The following CSMD1 variants were observed in gnomAD, a reference collection of about 807,000 sequenced individuals.
CSMD1 encodes the protein CUB and sushi domain-containing protein 1.
In CSMD1, 213 loss-of-function variants were observed where a neutral mutation model predicts 417.5. The ratio of observed to expected loss-of-function variants is 0.51; its 90% CI spans 0.46 to 0.57. The LOEUF (loss-of-function observed/expected upper bound fraction) is 0.57. Ranked by LOEUF, CSMD1 falls within the 20% of genes least tolerant of loss-of-function variation. CSMD1 has a pLI of 0.00. For missense variants in CSMD1, 6,923 were observed against 4,529.7 expected, an observed-to-expected ratio of 1.53 and a Z score of -15.17; for synonymous variants, 2,862 against 1,736.8, an observed-to-expected ratio of 1.65 and a Z score of -16.11.
At chr8:4,238,759 A>G (rs1316235950) in intron 3 of CSMD1, among the ~76,000 whole-genome samples, 2 of 152,184 alleles carry the variant, frequency 1.3e-5, no homozygotes, top group East Asian at 3.9e-4. Flanking sequence ...TTTCATTGCC[A>G]TTACATTCCC....
intron 23 of CSMD1, among the ~76,000 whole-genome samples, chr8:3,321,665 C>A (rs865951247): frequency 6.6e-6 from 1 of 152,062 alleles, no homozygotes; most frequent in South Asian, 2.1e-4. Flanking sequence ...CTATATTTAA[C>A]TGGTGCTTAT....
intron 1 of CSMD1, among the ~76,000 whole-genome samples, chr8:4,696,925 G>A (rs904540822): frequency 6.6e-6 from 1 of 152,178 alleles, no homozygotes; most frequent in Non-Finnish European, 1.5e-5. Context: ...TGTAATCCCA[G>A]CACTTTAGGA....
chr8:3,216,923 C>T (rs142084722), intron 29 of CSMD1, among the ~76,000 whole-genome samples: 1 of 152,294 alleles, frequency 6.6e-6, no homozygotes, highest in East Asian at 1.9e-4. Flanking sequence ...GCATGCAATA[C>T]AATGACATCA....
chr8:3,441,887 G>A (rs1381818457), intron 12 of CSMD1, among the ~76,000 whole-genome samples: 1 of 152,090 alleles, frequency 6.6e-6, no homozygotes, highest in Non-Finnish European at 1.5e-5. Context: ...AGGTCCGTCA[G>A]GAGGTATCCA....
intron 3 of CSMD1, among the ~76,000 whole-genome samples, chr8:4,035,222 G>C (rs1797554974): frequency 6.6e-6 from 1 of 152,128 alleles, no homozygotes; most frequent in Non-Finnish European, 1.5e-5. Context: ...GCACGTGTCT[G>C]TGGTGACGCC....
intron 3 of CSMD1, among the ~76,000 whole-genome samples, chr8:4,076,374 T>C (rs929694493): frequency 4.1e-4 from 63 of 152,292 alleles, no homozygotes; most frequent in Admixed American, 1.6e-3. Context: ...AGTTACCCTG[T>C]CTGAGGTAGT....
intron 3 of CSMD1, among the ~76,000 whole-genome samples, chr8:4,250,886 A>C (rs1210131447): frequency 6.6e-6 from 1 of 152,212 alleles, no homozygotes; most frequent in Non-Finnish European, 1.5e-5. Flanking sequence ...TACCCTGATG[A>C]AAAGAGCACC....
intron 2 of CSMD1, among the ~76,000 whole-genome samples, chr8:4,531,578 G>C (rs540999176): frequency 6.6e-6 from 1 of 152,174 alleles, no homozygotes; most frequent in Non-Finnish European, 1.5e-5. Flanking sequence ...CAGATGTAAA[G>C]TCCTGTATAA....
At chr8:4,468,924 C>G (rs1563208683) in intron 2 of CSMD1, among the ~76,000 whole-genome samples, 1 of 148,712 alleles carries the variant, frequency 6.7e-6, no homozygotes, top group East Asian at 2.0e-4. Flanking sequence ...ATGCTGGAAA[C>G]AAGCTCATTC....
chr8:3,965,287 C>A (rs1476807847), intron 5 of CSMD1, among the ~76,000 whole-genome samples: 5 of 152,138 alleles, frequency 3.3e-5, no homozygotes, highest in African/African-American at 4.8e-5. Context: ...GAACTCAGGT[C>A]TCTAAGCATG....
intron 5 of CSMD1, among the ~76,000 whole-genome samples, chr8:3,857,921 G>A (rs370750381): frequency 2.6e-5 from 4 of 152,194 alleles, no homozygotes; most frequent in African/African-American, 9.7e-5. Context: ...CCAGGCTTTG[G>A]CTTCCAGCCA....
intron 5 of CSMD1, among the ~76,000 whole-genome samples, chr8:3,790,356 G>A (rs1799667926): frequency 6.6e-6 from 1 of 152,060 alleles, no homozygotes; most frequent in South Asian, 2.1e-4. Context: ...TGATGATGGT[G>A]GTGATAGTGA....
At chr8:4,191,957 G>C (rs959114975) in intron 3 of CSMD1, among the ~76,000 whole-genome samples, 25 of 152,104 alleles carry the variant, frequency 1.6e-4, no homozygotes, top group Admixed American at 6.6e-5. Context: ...GCACCCACAG[G>C]CAAAACACCC....
rs371509704 is a variant in CSMD1, at chr8:3,586,174, G to A, written c.1184C>T (p.Thr395Met). ...CCTGTGGTCACTCCAAGCAGCGAGC[G>A]TCTCTGTAACTCTCTGACAGGTGAT... ...KSITCQRVTE[T>M]LAAWSDHRPI... The change falls in exon 9 of 70, where the codon ACG (threonine) becomes ATG (methionine). Residue 395 changes from threonine (T) to methionine (M), a missense_variant. Coordinates refer to ENST00000635120, the MANE Select transcript of CSMD1 (RefSeq NM_033225.6). 7.3e-5 allele frequency: 117 copies of A among 1,612,622 alleles called. No individual in the cohort carries two copies. Among genetic ancestry groups the A allele is most frequent in the African/African-American group, 9.3e-5 (7 of 74,894 alleles).
chr8:4,395,898 T>C (rs181147120), intron 3 of CSMD1, among the ~76,000 whole-genome samples: 2 of 152,142 alleles, frequency 1.3e-5, no homozygotes, highest in African/African-American at 4.8e-5. Flanking sequence ...GAAACACATA[T>C]AAGTGTAATT....
intron 3 of CSMD1, among the ~76,000 whole-genome samples, chr8:4,410,093 C>T (rs1796566815): frequency 6.6e-6 from 1 of 152,176 alleles, no homozygotes; most frequent in African/African-American, 2.4e-5. Context: ...GGATTACAGC[C>T]ATGAGCCACC....
intron 3 of CSMD1, among the ~76,000 whole-genome samples, chr8:4,329,312 G>A (rs1240196186): frequency 1.3e-5 from 2 of 152,080 alleles, no homozygotes; most frequent in Admixed American, 6.6e-5. Context: ...TTTTTGAGAT[G>A]GAGTCTTGCT....
intron 2 of CSMD1, among the ~76,000 whole-genome samples, chr8:4,476,666 G>A (rs1800819500): frequency 6.6e-6 from 1 of 152,270 alleles, no homozygotes; most frequent in Admixed American, 6.5e-5. Flanking sequence ...TCCCAAGGCT[G>A]TGGACTCCCA....
At chr8:4,162,011 G>A (rs1045478733) in intron 3 of CSMD1, among the ~76,000 whole-genome samples, 2 of 152,104 alleles carry the variant, frequency 1.3e-5, no homozygotes, top group Non-Finnish European at 2.9e-5. Flanking sequence ...TAACCATTCT[G>A]TATTTGCCTT....
Sources: gnomAD v4.1 joint callset for allele counts (sites outside exome capture counted in the v4.1 genomes callset) on GRCh38, gnomAD v4.1.1 for gene constraint, MANE v1.5 for transcripts, NCBI Gene and HGNC (gene_info 2026-07-23, HGNC 2026-07-21) for gene names.